ZNF438: variants seen among roughly 807,000 people sequenced by gnomAD.
ZNF438 encodes zinc finger protein 438.
In ZNF438, 25 loss-of-function variants were observed where a neutral mutation model predicts 38.0. That is an observed-to-expected ratio of 0.66 (90% confidence interval 0.48 to 0.92). ZNF438 has a LOEUF of 0.92. Ranked by LOEUF, ZNF438 falls within the 40% of genes least tolerant of loss-of-function variation. The probability of loss-of-function intolerance (pLI) is 0.00; values close to 1 mark genes in which losing one functional copy is unlikely to be tolerated. For synonymous variants in ZNF438, 372 were observed against 364.1 expected (o/e 1.02, Z -0.25); for missense variants, 1,007 against 999.6 (o/e 1.01, Z -0.10).
chr10:30,861,691 T>C (rs1199267076), intron 4 of ZNF438, among the ~76,000 whole-genome samples: 1 of 152,228 alleles, frequency 6.6e-6, no homozygotes, highest in Non-Finnish European at 1.5e-5. Flanking sequence ...TTATTAGTTA[T>C]TTCTGGAAGG....
chr10:30,869,002 G>A (rs1357791024), intron 4 of ZNF438, among the ~76,000 whole-genome samples: 4 of 152,234 alleles, frequency 2.6e-5, no homozygotes, highest in African/African-American at 9.6e-5. Flanking sequence ...AGACTCTGCT[G>A]CCAAACGGCC....
intron 1 of ZNF438, among the ~76,000 whole-genome samples, chr10:30,964,330 G>A (rs541985917): frequency 1.3e-5 from 2 of 152,170 alleles, no homozygotes; most frequent in Non-Finnish European, 2.9e-5. Flanking sequence ...AAGTAAAAAT[G>A]ATTTCTCCTT....
chr10:30,893,573 T>A (rs1278205159), intron 3 of ZNF438, among the ~76,000 whole-genome samples: 2 of 152,206 alleles, frequency 1.3e-5, no homozygotes, highest in African/African-American at 4.8e-5. Flanking sequence ...ATGTTTTTCT[T>A]TTTAAAACAT....
intron 4 of ZNF438, among the ~76,000 whole-genome samples, chr10:30,866,895 G>A (rs1002511568): frequency 7.3e-5 from 11 of 151,554 alleles, no homozygotes; most frequent in Admixed American, 6.6e-4. Context: ...TTAAAATATC[G>A]CACAATGAAG....
chr10:31,029,693 C>A (rs1366912760), intron 1 of ZNF438, among the ~76,000 whole-genome samples: 1 of 152,212 alleles, frequency 6.6e-6, no homozygotes, highest in Non-Finnish European at 1.5e-5. Flanking sequence ...AATCAGACAC[C>A]AGTCCCTTGA....
chr10:30,983,839 C>T (rs1397405419), intron 1 of ZNF438, among the ~76,000 whole-genome samples: 1 of 152,006 alleles, frequency 6.6e-6, no homozygotes, highest in Non-Finnish European at 1.5e-5. Flanking sequence ...TTTAGATTTA[C>T]AAGATAGATA....
chr10:30,869,638 G>A (rs1048982820), intron 4 of ZNF438, among the ~76,000 whole-genome samples: 2 of 152,056 alleles, frequency 1.3e-5, no homozygotes, highest in African/African-American at 2.4e-5. Context: ...ATGCACAATG[G>A]TATTTTGTAG....
intron 4 of ZNF438, among the ~76,000 whole-genome samples, chr10:30,872,042 T>G (rs10763845): frequency 6.6e-6 from 1 of 151,930 alleles, no homozygotes; most frequent in South Asian, 2.1e-4. Context: ...ACTTTTCTAC[T>G]TGCAGAAGAC....
chr10:30,966,772 G>C (rs1317402732), intron 1 of ZNF438, among the ~76,000 whole-genome samples: 1 of 151,978 alleles, frequency 6.6e-6, no homozygotes, highest in Non-Finnish European at 1.5e-5. Flanking sequence ...ATTCATGTTG[G>C]CTCTTTAAAG....
At chr10:31,029,868 G>A (rs1022851147) in intron 1 of ZNF438, among the ~76,000 whole-genome samples, 6 of 152,220 alleles carry the variant, frequency 3.9e-5, no homozygotes, top group Non-Finnish European at 8.8e-5. Flanking sequence ...GACCACCTCA[G>A]AGCATTGTCC....
chr10:30,848,899 A>C (rs748211863), exon 5 of ZNF438: 1 of 1,614,200 alleles, frequency 6.2e-7, no homozygotes. Context: ...AAGGCTTCTT[A>C]ATGCCAGAGA....
chr10:31,013,917 T>C (rs536432515), intron 1 of ZNF438, among the ~76,000 whole-genome samples: 9 of 152,204 alleles, frequency 5.9e-5, no homozygotes, highest in South Asian at 2.1e-4. Context: ...CTGTTTTTAC[T>C]GTCTCCCCTA....
At chr10:30,919,517 G>A (rs536207753) in intron 2 of ZNF438, 22 of 152,146 alleles carry the variant, frequency 1.4e-4, no homozygotes, top group African/African-American at 3.9e-4. Context: ...ACTTCCCTTC[G>A]TCAGTAAGAA....
Position 30,848,519 on chromosome 10 carries a change from A to G in ZNF438, c.1874+12T>C. ...GACTCTCTTGCCAGGTCTCCATTAC[A>G]TTGGCACTCACCTCTCCAATGATCC... On this transcript the variant is annotated intron_variant, in intron 5 of 5. Transcript: ENST00000413025. 1 of 1,601,812 alleles carries G rather than the reference A, an allele frequency of 6.2e-7. No homozygotes were observed. The highest frequency in any genetic ancestry group is 8.5e-7 in the Non-Finnish European group (1 of 1,171,344).
intron 2 of ZNF438, among the ~76,000 whole-genome samples, chr10:30,936,421 C>T (rs1198407621): frequency 6.6e-6 from 1 of 152,192 alleles, no homozygotes; most frequent in East Asian, 1.9e-4. Context: ...TGCCTGTAAT[C>T]CCAGCACTTT....
At chr10:30,954,744 C>T (rs2048679175) in intron 1 of ZNF438, among the ~76,000 whole-genome samples, 1 of 152,128 alleles carries the variant, frequency 6.6e-6, no homozygotes, top group African/African-American at 2.4e-5. Flanking sequence ...ATTTGATACA[C>T]AGGAAGCCCA....
intron 4 of ZNF438, among the ~76,000 whole-genome samples, chr10:30,856,200 T>C (rs1427408049): frequency 6.6e-6 from 1 of 152,156 alleles, no homozygotes; most frequent in Non-Finnish European, 1.5e-5. Context: ...TAGTAAGTAA[T>C]CCGACAGGCA....
rs558168841 is a variant in ZNF438, at chr10:30,949,996, T to C, written c.-191-8345A>G. The stretch of plus-strand genomic sequence containing the variant: ...ATTCCAAAATTGACCACATACTTGG[T>C]AGTAAAGCTCTCCTCAACAAATGTA... On this transcript the variant is annotated intron_variant, in intron 1 of 5. Coordinates refer to ENST00000413025, the Ensembl canonical transcript of ZNF438. 1.0e-3 allele frequency among the ~76,000 whole-genome samples: 154 copies of C among 150,206 alleles called. No individual in the cohort carries two copies. The Middle Eastern group carries it at 0.01, about 10-fold the overall frequency.
At chr10:30,879,799 A>G (rs1351721848) in intron 3 of ZNF438, among the ~76,000 whole-genome samples, 1 of 152,198 alleles carries the variant, frequency 6.6e-6, no homozygotes, top group African/African-American at 2.4e-5. Context: ...AAAAACAAAA[A>G]ACAAAAATCA....
Sources: gnomAD v4.1 joint callset for allele counts (sites outside exome capture counted in the v4.1 genomes callset) on GRCh38, gnomAD v4.1.1 for gene constraint, MANE v1.5 for transcripts, NCBI Gene and HGNC (gene_info 2026-07-23, HGNC 2026-07-21) for gene names.